DOCK5: variants seen among roughly 807,000 people sequenced by gnomAD.
DOCK5 encodes the protein dedicator of cytokinesis 5.
DOCK5 carries 142 observed loss-of-function variants against 251.8 expected under a neutral mutation model. The observed-to-expected ratio is 0.56, with a 90% confidence interval of 0.49 to 0.65. The LOEUF is 0.65. DOCK5 is among the 30% of genes least tolerant of loss of function. DOCK5 has a pLI of 0.00. For synonymous variants in DOCK5, 842 were observed against 835.5 expected (o/e 1.01, Z -0.13); for missense variants, 2,111 against 2,312.3 (o/e 0.91, Z 1.79).
At chr8:25,265,669 T>A (rs1803724901) in intron 2 of DOCK5, among the ~76,000 whole-genome samples, 2 of 151,802 alleles carry the variant, frequency 1.3e-5, no homozygotes, top group Admixed American at 6.6e-5. Flanking sequence ...TGCTTTCCAT[T>A]ATGTCATGGT....
At chr8:25,373,771 A>G in intron 36 of DOCK5, 113 bp downstream of exon 36, 2 of 980,338 alleles carry the variant, frequency 2.0e-6, no homozygotes, top group Non-Finnish European at 3.1e-6. Flanking sequence ...AGAGACCCCT[A>G]AAAGTACATG....
chr8:25,409,891 T>C (rs961338883), intron 50 of DOCK5: 2 of 511,392 alleles, frequency 3.9e-6, no homozygotes, highest in Non-Finnish European at 3.5e-6. Context: ...TCAGAACACC[T>C]TGTGGAGCTC....
chr8:25,372,414 A>C, intron 34 of DOCK5, 145 bp from the exon 35 acceptor site: 1 of 734,078 alleles, frequency 1.4e-6, no homozygotes. Flanking sequence ...GTGTCGGCTT[A>C]ACTGTGTCAC....
rs1202166395 is a variant in DOCK5 at position 25,282,926 on chromosome 8, C to T, written c.321+4261C>T. 2.1e-5 allele frequency among the ~76,000 whole-genome samples: 3 copies of T among 141,402 alleles called. No individual in the cohort carries two copies. In the East Asian group the frequency reaches 6.6e-4, roughly 31 times the overall value. The allele number at this position is 141,402 out of a possible 152,430, so 92.8% of individuals were successfully genotyped here. ...AATCCCACATTTCTATAGTACATTT[C>T]CTTGTTCTTTTCTTTTCAGTCTCAG... On this transcript the variant is annotated intron_variant, in intron 5 of 51. Transcript: ENST00000276440.
At chr8:25,252,663 T>C (rs960057969) in intron 2 of DOCK5, among the ~76,000 whole-genome samples, 1 of 152,246 alleles carries the variant, frequency 6.6e-6, no homozygotes, top group Non-Finnish European at 1.5e-5. Context: ...TCCTGAGATG[T>C]GTTTTTCAAA....
chr8:25,302,226 G>A (rs1804784995), intron 9 of DOCK5, 99 bp from the exon 10 acceptor site: 1 of 1,431,552 alleles, frequency 7.0e-7, no homozygotes, highest in East Asian at 2.5e-5. Flanking sequence ...GAGAAATAAG[G>A]TCGGAACAGG....
Position 25,390,258 on chromosome 8 carries a change from G to A in DOCK5, c.4326G>A (p.Lys1442=), listed in dbSNP as rs1479513873. The A allele has an allele frequency of 3.1e-6, 5 of 1,589,744 alleles. No individual in the cohort carries two copies. The highest frequency in any genetic ancestry group is 1.3e-5 in the African/African-American group (1 of 74,348). ...KPVMSLPPSY[K]DKPVPEQILN... ...TGATGAGCTTGCCGCCCAGCTACAA[G>A]GATAAACCTGTTCCAGAGCAGATCT... Residue 1442 remains lysine (K), a synonymous_variant, in exon 42 of 52, where the codon AAG becomes AAA. Transcript: ENST00000276440.
At chr8:25,234,549 A>G (rs1802745937) in intron 1 of DOCK5, among the ~76,000 whole-genome samples, 1 of 152,172 alleles carries the variant, frequency 6.6e-6, no homozygotes, top group Admixed American at 6.5e-5. Context: ...ATATTCATTG[A>G]GAAAAATGGA....
At chr8:25,376,917 C>T in intron 37 of DOCK5, 1 of 154,382 alleles carries the variant, frequency 6.5e-6, no homozygotes, top group Non-Finnish European at 1.4e-5. Context: ...GTCGCAGTTT[C>T]TTAGTCAACT....
chr8:25,382,873 C>G (rs1801094266), intron 40 of DOCK5, 95 bp downstream of exon 40: 1 of 1,006,364 alleles, frequency 9.9e-7, no homozygotes, highest in Admixed American at 2.7e-5. Context: ...CAGCTGCCGA[C>G]CCGTGTTCTC....
intron 16 of DOCK5, among the ~76,000 whole-genome samples, chr8:25,321,394 A>G (rs898464911): frequency 6.6e-6 from 1 of 152,226 alleles, no homozygotes; most frequent in African/African-American, 2.4e-5. Context: ...ATTCAAGCAC[A>G]TTACATTTAT....
intron 18 of DOCK5, among the ~76,000 whole-genome samples, chr8:25,330,883 G>T (rs2117215300): frequency 6.6e-6 from 1 of 152,210 alleles, no homozygotes; most frequent in Middle Eastern, 3.4e-3. Context: ...TTCAAGACCA[G>T]CCTGGGCAAC....
At chr8:25,185,781 G>T (rs1295393071) in intron 1 of DOCK5, among the ~76,000 whole-genome samples, 2 of 152,184 alleles carry the variant, frequency 1.3e-5, no homozygotes, top group Non-Finnish European at 2.9e-5. Flanking sequence ...GTGGTGCTTT[G>T]GCTCCGAAAC....
At chr8:25,260,403 CAT>C (rs769325594) in intron 2 of DOCK5, among the ~76,000 whole-genome samples, 10 of 139,964 alleles carry the variant, frequency 7.1e-5, no homozygotes, top group Non-Finnish European at 1.2e-4. Context: ...TGTATAGAAA[CAT>C]AGCTCTTTTA....
At chr8:25,375,234 C>T (rs1163310892) in intron 37 of DOCK5, 1 of 168,684 alleles carries the variant, frequency 5.9e-6, no homozygotes, top group Admixed American at 5.8e-5. Flanking sequence ...TCCTACCTCA[C>T]TTTGTTACCA....
chr8:25,333,548 G>A (rs546687671), intron 20 of DOCK5, among the ~76,000 whole-genome samples: 17 of 152,270 alleles, frequency 1.1e-4, no homozygotes, highest in Admixed American at 2.6e-4. Flanking sequence ...GGGCATAGAT[G>A]GAAATCCCAA....
intron 13 of DOCK5, among the ~76,000 whole-genome samples, chr8:25,313,561 T>C (rs1300784967): frequency 6.6e-6 from 1 of 152,222 alleles, no homozygotes; most frequent in Non-Finnish European, 1.5e-5. Flanking sequence ...CCTGAGACCC[T>C]GTGTGAGTGT....
intron 1 of DOCK5, among the ~76,000 whole-genome samples, chr8:25,192,729 C>G (rs1245788192): frequency 6.6e-6 from 1 of 152,180 alleles, no homozygotes; most frequent in African/African-American, 2.4e-5. Flanking sequence ...CCAGGCTGGT[C>G]TTGGGCTCCT....
intron 1 of DOCK5, among the ~76,000 whole-genome samples, chr8:25,237,345 G>A (rs993544816): frequency 6.6e-6 from 1 of 151,904 alleles, no homozygotes; most frequent in Non-Finnish European, 1.5e-5. Flanking sequence ...ACTCTGGCCT[G>A]GTTGATAGAG....
Sources: gnomAD v4.1 joint callset for allele counts (sites outside exome capture counted in the v4.1 genomes callset) on GRCh38, gnomAD v4.1.1 for gene constraint, MANE v1.5 for transcripts, NCBI Gene and HGNC (gene_info 2026-07-23, HGNC 2026-07-21) for gene names.